The following AGBL1 variants were observed in gnomAD, a reference collection of about 807,000 sequenced individuals.
The protein encoded by AGBL1 is cytosolic carboxypeptidase 4.
A neutral mutation model predicts 118.9 loss-of-function variants in AGBL1; 130 were observed. The ratio of observed to expected loss-of-function variants is 1.09; its 90% CI spans 0.95 to 1.26. The LOEUF (loss-of-function observed/expected upper bound fraction) is 1.26, where lower values mean the gene tolerates loss of function less well. Among genes scored for constraint, AGBL1 ranks in the 50% most tolerant of loss-of-function variants. The pLI is 0.00. For missense variants in AGBL1, 1,584 were observed against 1,298.1 expected, an observed-to-expected ratio of 1.22 and a Z score of -3.38; for synonymous variants, 555 against 478.9, an observed-to-expected ratio of 1.16 and a Z score of -2.08.
At chr15:86,103,587 A>G (rs796738952) in intron 1 of AGBL1, among the ~76,000 whole-genome samples, 5 of 152,272 alleles carry the variant, frequency 3.3e-5, no homozygotes, top group African/African-American at 9.6e-5. Context: ...GTGCAGTAGT[A>G]TAGTCTCCAT....
chr15:86,888,937 G>C (rs2080011911), intron 22 of AGBL1, among the ~76,000 whole-genome samples: 1 of 151,912 alleles, frequency 6.6e-6, no homozygotes, highest in African/African-American at 2.4e-5. Flanking sequence ...TTAATTTCTG[G>C]GACAAGACTA....
At chr15:86,480,128 C>T (rs1388061473) in intron 18 of AGBL1, among the ~76,000 whole-genome samples, 1 of 152,074 alleles carries the variant, frequency 6.6e-6, no homozygotes, top group African/African-American at 2.4e-5. Context: ...GGAAATATAC[C>T]TAATGTAAAT....
At chr15:86,743,122 C>A (rs1046769528) in intron 22 of AGBL1, among the ~76,000 whole-genome samples, 1 of 152,060 alleles carries the variant, frequency 6.6e-6, no homozygotes, top group African/African-American at 2.4e-5. Context: ...GAACATATAG[C>A]TCCTCAAGAC....
At chr15:86,829,850 G>C (rs934525340) in intron 22 of AGBL1, among the ~76,000 whole-genome samples, 1 of 152,006 alleles carries the variant, frequency 6.6e-6, no homozygotes, top group Non-Finnish European at 1.5e-5. Flanking sequence ...GGGAAAACTA[G>C]TTGCGTGCAT....
chr15:86,902,230 G>T (rs1310719006), intron 22 of AGBL1, among the ~76,000 whole-genome samples: 2 of 152,178 alleles, frequency 1.3e-5, no homozygotes, highest in African/African-American at 4.8e-5. Flanking sequence ...TACCAGGAAT[G>T]TATTAAAGAT....
intron 20 of AGBL1, among the ~76,000 whole-genome samples, chr15:86,552,354 GA>G (rs2083675870): frequency 3.3e-5 from 5 of 151,934 alleles, no homozygotes; most frequent in African/African-American, 9.6e-5. Context: ...ACCTATGGAA[GA>G]AAAAAATGGT....
At chr15:86,463,638 A>C (rs1231456684) in intron 18 of AGBL1, among the ~76,000 whole-genome samples, 1 of 152,224 alleles carries the variant, frequency 6.6e-6, no homozygotes, top group African/African-American at 2.4e-5. Context: ...GAAGGGGTCC[A>C]GTTTCAGTTT....
At chr15:86,229,809 C>T (rs1239400015) in intron 6 of AGBL1, among the ~76,000 whole-genome samples, 1 of 152,188 alleles carries the variant, frequency 6.6e-6, no homozygotes, top group Non-Finnish European at 1.5e-5. Context: ...AATGAATCTT[C>T]AAATAATGTC....
At chr15:86,626,988 C>T (rs989885143) in intron 21 of AGBL1, among the ~76,000 whole-genome samples, 1 of 151,336 alleles carries the variant, frequency 6.6e-6, no homozygotes, top group African/African-American at 2.4e-5. Flanking sequence ...CAGGTGCCTG[C>T]CACAACGACC....
chr15:86,607,346 T>C (rs893280898), intron 21 of AGBL1, among the ~76,000 whole-genome samples: 6 of 152,204 alleles, frequency 3.9e-5, no homozygotes, highest in African/African-American at 1.4e-4. Flanking sequence ...GTTCATTCTC[T>C]TGAATGAACC....
intron 23 of AGBL1, among the ~76,000 whole-genome samples, chr15:86,940,198 G>A (rs561160358): frequency 8.6e-5 from 13 of 150,930 alleles, no homozygotes; most frequent in East Asian, 5.8e-4. Context: ...GCCTGTGCCC[G>A]GTTGAGTGCA....
intron 19 of AGBL1, among the ~76,000 whole-genome samples, chr15:86,534,902 T>C (rs1292516021): frequency 6.6e-6 from 1 of 152,104 alleles, no homozygotes; most frequent in African/African-American, 2.4e-5. Flanking sequence ...CATTGAATAG[T>C]AGGGGTCAGG....
At chr15:86,767,977 C>T (rs1190766546) in intron 22 of AGBL1, among the ~76,000 whole-genome samples, 1 of 151,936 alleles carries the variant, frequency 6.6e-6, no homozygotes, top group Non-Finnish European at 1.5e-5. Flanking sequence ...TAGAATCAGA[C>T]AGAGCTACAC....
At chr15:86,921,563 C>G (rs116307621) in intron 23 of AGBL1, among the ~76,000 whole-genome samples, 319 of 152,270 alleles carry the variant, frequency 2.1e-3, no homozygotes, top group African/African-American at 7.2e-3. Context: ...TCTGGAATTT[C>G]CCTGGAAGAA....
chr15:86,336,574 G>C (rs2080372235), intron 17 of AGBL1, among the ~76,000 whole-genome samples: 1 of 152,134 alleles, frequency 6.6e-6, no homozygotes, highest in Admixed American at 6.5e-5. Flanking sequence ...TTATCCAGAG[G>C]GCTGGCATCA....
At chr15:86,821,701 A>G (rs2078945594) in intron 22 of AGBL1, among the ~76,000 whole-genome samples, 1 of 152,174 alleles carries the variant, frequency 6.6e-6, no homozygotes, top group South Asian at 2.1e-4. Flanking sequence ...GTTGTCATTT[A>G]TTGAGCATTT....
chr15:86,850,122 T>G (rs901383375), intron 22 of AGBL1, among the ~76,000 whole-genome samples: 1 of 152,314 alleles, frequency 6.6e-6, no homozygotes, highest in East Asian at 1.9e-4. Context: ...ATAAGAGAAC[T>G]CTGTTCAGCT....
At chr15:86,523,759 G>A (rs1412814499) in intron 19 of AGBL1, among the ~76,000 whole-genome samples, 1 of 152,160 alleles carries the variant, frequency 6.6e-6, no homozygotes, top group Non-Finnish European at 1.5e-5. Context: ...TATCTAGGCT[G>A]TTTTCCCAAG....
At chr15:86,521,034 AT>A (rs1250791944) in intron 18 of AGBL1, among the ~76,000 whole-genome samples, 1 of 152,256 alleles carries the variant, frequency 6.6e-6, no homozygotes, top group Non-Finnish European at 1.5e-5. Context: ...CAGGCAAAGA[AT>A]AAAAAATGCC....
Sources: gnomAD v4.1 joint callset for allele counts (sites outside exome capture counted in the v4.1 genomes callset) on GRCh38, gnomAD v4.1.1 for gene constraint, MANE v1.5 for transcripts, NCBI Gene and HGNC (gene_info 2026-07-23, HGNC 2026-07-21) for gene names.